MOB3A: variants seen among roughly 807,000 people sequenced by gnomAD.
MOB3A encodes MOB kinase activator 3A.
Under a neutral mutation model 17.8 loss-of-function variants are expected in MOB3A, and 17 were observed. That is an observed-to-expected ratio of 0.95 (90% CI 0.65 to 1.43). The LOEUF is 1.43. MOB3A is among the 40% of genes most tolerant of loss of function. The pLI, the probability that MOB3A is intolerant of heterozygous loss-of-function variation, is 0.00. For missense variants in MOB3A, 333 were observed against 310.8 expected, an observed-to-expected ratio of 1.07 and a Z score of -0.54; for synonymous variants, 124 against 133.2, an observed-to-expected ratio of 0.93 and a Z score of 0.48.
At chr19:2,088,499 G>A (rs186129113) in intron 1 of MOB3A, among the ~76,000 whole-genome samples, 45 of 151,930 alleles carry the variant, frequency 3.0e-4, no homozygotes, top group Non-Finnish European at 4.1e-4. Flanking sequence ...ATGGGGTCCC[G>A]CTGTGTTGCC....
chr19:2,085,430 C>T (rs1408243034), intron 1 of MOB3A, 102 bp from the exon 2 acceptor site: 1 of 149,552 alleles, frequency 6.7e-6, no homozygotes, highest in East Asian at 2.0e-4. Context: ...ACTGGTATGA[C>T]CCCTCCCCCA....
chr19:2,088,037 C>T (rs1250601561), intron 1 of MOB3A, among the ~76,000 whole-genome samples: 2 of 152,210 alleles, frequency 1.3e-5, no homozygotes, highest in African/African-American at 2.4e-5. Context: ...AGCTCTCAGC[C>T]ACACTCAGCT....
chr19:2,078,150 G>A lies in MOB3A; in HGVS notation c.411C>T (p.Pro137=). ...CCAGCTCTGACTCACCAACGTTGGT[G>A]GGGAAGAGGTCCTCGTTGTTGATCT... ...EAQINNEDLF[P]TNVGTPFPKN... Residue 137 remains proline (P), a synonymous_variant, in exon 3 of 5, where the codon CCC becomes CCT. Transcript: ENST00000357066. 1 of 1,572,680 alleles carries A rather than the reference G, an allele frequency of 6.4e-7. No homozygotes were observed.
rs528236786 is a variant in MOB3A, at chr19:2,074,648, G to C, written c.625-1224C>G. ...GCTCACTGCAACCTCCACCTCCTGG[G>C]TTCAAACGATTCTCCTGCCTCAGCC... is the stretch of plus-strand genomic sequence containing the variant. On this transcript the variant is annotated intron_variant, in intron 4 of 4. Coordinates refer to ENST00000357066, the MANE Select transcript of MOB3A (RefSeq NM_130807.3). Among the ~76,000 whole-genome samples, 6 of 152,050 alleles carry C rather than the reference G, an allele frequency of 3.9e-5. No individual in the cohort carries two copies. In the East Asian group the frequency reaches 1.2e-3, roughly 29 times the overall value.
chr19:2,084,568 C>T (rs2017529140), intron 2 of MOB3A, among the ~76,000 whole-genome samples: 3 of 151,938 alleles, frequency 2.0e-5, no homozygotes, highest in African/African-American at 7.2e-5. Context: ...GCAGAGTTCC[C>T]GTCACAGCAG....
At chr19:2,074,266 A>G (rs1162984656) in intron 4 of MOB3A, among the ~76,000 whole-genome samples, 1 of 152,114 alleles carries the variant, frequency 6.6e-6, no homozygotes, top group African/African-American at 2.4e-5. Flanking sequence ...AAACAAACAA[A>G]AAAACCCCAG....
At chr19:2,094,822 CAATT>C (rs1408103921) in intron 1 of MOB3A, among the ~76,000 whole-genome samples, 1 of 152,214 alleles carries the variant, frequency 6.6e-6, no homozygotes, top group Non-Finnish European at 1.5e-5. Context: ...TATTGCATGT[CAATT>C]AAACCCGTAT....
Position 2,092,082 on chromosome 19 carries a change from G to GTTT in MOB3A, c.-274+4141_-274+4143dup, listed in dbSNP as rs1219970948. Among the ~76,000 whole-genome samples, 381 of 118,888 alleles carry GTTT rather than the reference G, an allele frequency of 3.2e-3. 4 individuals carry two copies. The highest frequency in any genetic ancestry group is 9.3e-3 in the Middle Eastern group (2 of 216). 78.0% of individuals were successfully genotyped at this position (118,888 alleles called of 152,430 possible). On this transcript the variant is annotated intron_variant, in intron 1 of 4. Transcript: ENST00000357066. ...GGAACTATTGTGTCTGGAAGGAAAGGTTTTTTTTTTTTTTTTTTTTAGCTG... is the reference window on the plus strand; with the variant it reads ...GGAACTATTGTGTCTGGAAGGAAAGGTTTTTTTTTTTTTTTTTTTTTTTAGCTG...
intron 1 of MOB3A, among the ~76,000 whole-genome samples, chr19:2,086,278 G>A (rs1300738435): frequency 6.6e-6 from 1 of 151,980 alleles, no homozygotes; most frequent in Non-Finnish European, 1.5e-5. Flanking sequence ...GACCTCAAGT[G>A]ATCTGCCCAC....
upstream of MOB3A, chr19:2,096,484 C>G (rs2017699892): frequency 6.2e-6 from 1 of 161,310 alleles, no homozygotes; most frequent in East Asian, 1.9e-4. Flanking sequence ...GCGCACGGAG[C>G]CAAGTTCCGG....
intron 2 of MOB3A, chr19:2,084,149 G>A (rs1318119501): frequency 4.0e-6 from 2 of 501,868 alleles, no homozygotes; most frequent in African/African-American, 1.9e-5. Context: ...ACAAGACAGG[G>A]CAGCCCGAGG....
chr19:2,078,471 C>T lies in MOB3A; in HGVS notation c.90G>A (p.Glu30=). 1 of 1,611,552 alleles carries T rather than the reference C, an allele frequency of 6.2e-7. No individual in the cohort carries two copies. ...RKFEPGTQRF[E]LHKKAQASLN... is the part of the protein sequence containing the mutation. ...GCGACGCCTGCGCCTTCTTGTGCAG[C>T]TCGAAGCGCTGGGTGCCTGGCTCAA... The change falls in exon 3 of 5, where the codon GAG becomes GAA. Residue 30 remains glutamate, a synonymous_variant. Transcript: ENST00000357066.
At position 2,072,366 on chromosome 19, in the gene MOB3A, A is replaced by C. The variant is rs1466426866; in HGVS notation, c.*1029T>G. The C allele has an allele frequency of 6.6e-6, 1 of 151,888 alleles. No individual in the cohort carries two copies. Among genetic ancestry groups the C allele is most frequent in the Non-Finnish European group, 1.5e-5 (1 of 67,964 alleles). The allele number at this position is 151,888 out of a possible 1,614,324, so 9.4% of individuals were successfully genotyped here. A position where few individuals can be genotyped will look rare whatever the true frequency, so the allele number is the denominator to read the frequency against. On this transcript the variant is annotated 3_prime_UTR_variant, in exon 5 of 5. Transcript: ENST00000357066. The stretch of plus-strand genomic sequence containing the variant: ...TGAAGCAGGAGAATCACTTGAACCC[A>C]GGAGGTGGAGGATGCAGTGAGCCGA...
At chr19:2,087,885 C>A (rs1403855991) in intron 1 of MOB3A, among the ~76,000 whole-genome samples, 1 of 152,210 alleles carries the variant, frequency 6.6e-6, no homozygotes, top group African/African-American at 2.4e-5. Context: ...CTGGGCTTGA[C>A]TGGGCACCAC....
At position 2,082,889 on chromosome 19, in the gene MOB3A, C is replaced by T. The variant is rs1269732775; in HGVS notation, c.-120+2286G>A. On this transcript the variant is annotated intron_variant, in intron 2 of 4. Transcript: ENST00000357066. The surrounding 1 kb of genome is among the most constrained non-coding windows in gnomAD (Gnocchi z 4.1). ...TGCAGTGGCAGGATCATGGCTCACA[C>T]TTCAGCCTCGACCTCCTAGCTCAAG... Among the ~76,000 whole-genome samples, 1 of 152,204 alleles carries T rather than the reference C, an allele frequency of 6.6e-6. No individual in the cohort carries two copies. Among genetic ancestry groups the T allele is most frequent in the Non-Finnish European group, 1.5e-5 (1 of 68,030 alleles).
At chr19:2,094,593 C>T (rs4806827) in intron 1 of MOB3A, among the ~76,000 whole-genome samples, 8,703 of 152,310 alleles carry the variant, frequency 0.057, 302 homozygotes, top group South Asian at 0.13. Flanking sequence ...CTCCTCAGCT[C>T]TGCGTCCCAG....
intron 2 of MOB3A, among the ~76,000 whole-genome samples, chr19:2,079,843 T>C (rs2017463947): frequency 6.6e-6 from 1 of 152,182 alleles, no homozygotes; most frequent in African/African-American, 2.4e-5. Context: ...AGGCACCGTA[T>C]AAATGAGGAA....
chr19:2,076,740 C>T (rs2017414079), intron 4 of MOB3A, 71 bp downstream of exon 4: 2 of 1,518,212 alleles, frequency 1.3e-6, no homozygotes, highest in East Asian at 2.3e-5. Context: ...GTCCTGGCCC[C>T]GGAAGGGTTC....
chr19:2,084,867 G>C (rs1229630530), intron 2 of MOB3A, among the ~76,000 whole-genome samples: 1 of 151,686 alleles, frequency 6.6e-6, no homozygotes, highest in Non-Finnish European at 1.5e-5. Flanking sequence ...GGGATTACAG[G>C]CGTGAGCCAC....
Sources: gnomAD v4.1 joint callset for allele counts (sites outside exome capture counted in the v4.1 genomes callset) on GRCh38, gnomAD v4.1.1 for gene constraint, Gnocchi (gnomAD v3.1) non-coding constraint, MANE v1.5 for transcripts, NCBI Gene and HGNC (gene_info 2026-07-23, HGNC 2026-07-21) for gene names.